ADAMTSL1: variants seen among roughly 807,000 people sequenced by gnomAD.
The protein encoded by ADAMTSL1 is ADAMTS-like protein 1.
In ADAMTSL1, 126 loss-of-function variants were observed where a neutral mutation model predicts 201.8. The ratio of observed to expected loss-of-function variants is 0.62; its 90% CI spans 0.54 to 0.72. The LOEUF (loss-of-function observed/expected upper bound fraction) is 0.72, where lower values mean the gene tolerates loss of function less well. ADAMTSL1 is among the 30% of genes least tolerant of loss of function. The pLI, the probability that ADAMTSL1 is intolerant of heterozygous loss-of-function variation, is 0.00. For missense variants in ADAMTSL1, 2,679 were observed against 2,277.8 expected (o/e 1.18, Z -3.59); for synonymous variants, 1,121 against 903.4 (o/e 1.24, Z -4.32).
At chr9:18,138,397 G>A (rs1055889026) in intron 1 of ADAMTSL1, among the ~76,000 whole-genome samples, 5 of 152,054 alleles carry the variant, frequency 3.3e-5, no homozygotes, top group African/African-American at 1.2e-4. Context: ...AGGATTTTAA[G>A]GCAGAGTATG....
intron 2 of ADAMTSL1, among the ~76,000 whole-genome samples, chr9:18,214,555 A>G (rs952370924): frequency 4.6e-5 from 7 of 152,228 alleles, no homozygotes; most frequent in Non-Finnish European, 1.0e-4. Context: ...TAGAAAAGAT[A>G]TACTACAACA....
chr9:18,069,516 A>G lies in ADAMTSL1; in HGVS notation c.88-94346A>G, dbSNP rs1378716425. Among the ~76,000 whole-genome samples, 31 of 152,168 alleles carry G rather than the reference A, an allele frequency of 2.0e-4. 1 individual carries two copies. Among genetic ancestry groups the G allele is most frequent in the Admixed American group, 1.9e-3 (29 of 15,272 alleles). ...ACTCTGATATTGCCTATTCTATTCT[A>G]TTTCATATTGTTTTAATGCTGGTTA... On this transcript the variant is annotated intron_variant, in intron 1 of 29. Coordinates refer to the ADAMTSL1 transcript ENST00000680146.
At chr9:18,450,717 GT>G (rs1820371570) in intron 2 of ADAMTSL1, among the ~76,000 whole-genome samples, 1 of 151,956 alleles carries the variant, frequency 6.6e-6, no homozygotes, top group African/African-American at 2.4e-5. Flanking sequence ...CCTTTGCTTT[GT>G]TGTCACTAGA....
At chr9:18,441,939 T>C (rs777319712) in intron 2 of ADAMTSL1, among the ~76,000 whole-genome samples, 8 of 152,220 alleles carry the variant, frequency 5.3e-5, no homozygotes, top group Non-Finnish European at 1.2e-4. Flanking sequence ...ATAATAATAA[T>C]TTTTAATGCC....
Position 18,684,699 on chromosome 9 carries a change from A to G in ADAMTSL1, c.1490-17A>G, listed in dbSNP as rs775196598. 2.0e-5 allele frequency: 32 copies of G among 1,611,128 alleles called. No individual in the cohort carries two copies. In the East Asian group the frequency reaches 3.1e-4, roughly 16 times the overall value. ...TTCTAACCTCTTCTTTTGTATGTGCATGCACTGAATTCTCAGAGAAACTTC... is the reference window on the plus strand; with the variant it reads ...TTCTAACCTCTTCTTTTGTATGTGCGTGCACTGAATTCTCAGAGAAACTTC... On this transcript the variant is annotated splice_polypyrimidine_tract_variant and intron_variant, in intron 12 of 28. Coordinates refer to ENST00000380548, the MANE Select transcript of ADAMTSL1 (RefSeq NM_001040272.6).
intron 1 of ADAMTSL1, among the ~76,000 whole-genome samples, chr9:17,970,966 G>T (rs1274489726): frequency 6.6e-6 from 1 of 152,056 alleles, no homozygotes; most frequent in Non-Finnish European, 1.5e-5. Context: ...TTAAATAGTA[G>T]ATGTTTTCCT....
At position 17,998,941 on chromosome 9, in the gene ADAMTSL1, A is replaced by G. The variant is rs144703382; in HGVS notation, c.87+92019A>G. The stretch of plus-strand genomic sequence containing the variant: ...GCTGTGCATCAAGTCAATGTAATTC[A>G]TTTATTTTTTTAAAGGGGTGATGAT... On this transcript the variant is annotated intron_variant, in intron 1 of 29. Coordinates refer to the ADAMTSL1 transcript ENST00000680146. Among the ~76,000 whole-genome samples the G allele has an allele frequency of 3.4e-3, 513 of 152,086 alleles. 2 individuals are homozygous for G. Among genetic ancestry groups the G allele is most frequent in the African/African-American group, 0.011 (477 of 41,524 alleles).
intron 7 of ADAMTSL1, among the ~76,000 whole-genome samples, chr9:18,639,903 C>T (rs1391417052): frequency 6.6e-6 from 1 of 152,132 alleles, no homozygotes; most frequent in Non-Finnish European, 1.5e-5. Flanking sequence ...TAATATAAAA[C>T]ACATTGCTGG....
chr9:18,872,888 C>A lies in ADAMTSL1; in HGVS notation c.4250-14943C>A, dbSNP rs115250721. ...AGGATTGCTGGATCAAATGGTAGAT[C>A]TATTTTCAGTTCTTTAAAGAATCTC... On this transcript the variant is annotated intron_variant, in intron 23 of 28. Transcript: ENST00000380548. Among the ~76,000 whole-genome samples, 1,124 of 152,232 alleles carry A rather than the reference C, an allele frequency of 7.4e-3. 22 individuals are homozygous for A. Among genetic ancestry groups the A allele is most frequent in the African/African-American group, 0.026 (1,067 of 41,556 alleles).
chr9:18,616,827 T>C (rs1429659517), intron 4 of ADAMTSL1, among the ~76,000 whole-genome samples: 1 of 152,218 alleles, frequency 6.6e-6, no homozygotes, highest in Non-Finnish European at 1.5e-5. Flanking sequence ...TATAAATCTT[T>C]TTATTATTTA....
chr9:18,756,541 C>G (rs1235921584), intron 16 of ADAMTSL1, among the ~76,000 whole-genome samples: 1 of 152,074 alleles, frequency 6.6e-6, no homozygotes, highest in Non-Finnish European at 1.5e-5. Context: ...GTTACGACAC[C>G]AGCTGTTGAA....
At chr9:17,931,565 A>T (rs1338843989) in intron 1 of ADAMTSL1, among the ~76,000 whole-genome samples, 1 of 152,204 alleles carries the variant, frequency 6.6e-6, no homozygotes, top group Non-Finnish European at 1.5e-5. Flanking sequence ...GTTGTTTTTC[A>T]AGAAATGTAA....
intron 1 of ADAMTSL1, among the ~76,000 whole-genome samples, chr9:17,940,809 C>CCCG (rs1563909363): frequency 3.1e-5 from 2 of 64,302 alleles, no homozygotes; most frequent in South Asian, 7.0e-4. Flanking sequence ...AACACCCCCC[C>CCCG]CCCAAAAAAA....
chr9:18,375,523 A>T (rs1156375760), intron 2 of ADAMTSL1, among the ~76,000 whole-genome samples: 1 of 152,226 alleles, frequency 6.6e-6, no homozygotes, highest in African/African-American at 2.4e-5. Context: ...CGATCAAACA[A>T]AAATGTACTA....
At chr9:17,932,550 T>C (rs952769203) in intron 1 of ADAMTSL1, among the ~76,000 whole-genome samples, 2 of 152,194 alleles carry the variant, frequency 1.3e-5, no homozygotes, top group Non-Finnish European at 2.9e-5. Context: ...CTCTGAATTT[T>C]GAAGACTTTT....
rs140120567 is a variant in ADAMTSL1, at chr9:18,026,471, G to T, written c.87+119549G>T. Among the ~76,000 whole-genome samples the T allele has an allele frequency of 5.6e-3, 858 of 152,074 alleles. 9 individuals are homozygous for T. Among genetic ancestry groups the T allele is most frequent in the African/African-American group, 0.02 (812 of 41,520 alleles). ...CTGTGTCTATTGAGATGATAATGTG[G>T]TTTTTATTTTTAAATCTGTTTATGT... On this transcript the variant is annotated intron_variant, in intron 1 of 29. Coordinates refer to the ADAMTSL1 transcript ENST00000680146.
At chr9:18,088,199 C>T (rs1823852275) in intron 1 of ADAMTSL1, among the ~76,000 whole-genome samples, 1 of 151,980 alleles carries the variant, frequency 6.6e-6, no homozygotes, top group African/African-American at 2.4e-5. Flanking sequence ...TATTTATATG[C>T]AAAACAAATG....
At position 18,254,610 on chromosome 9, in the gene ADAMTSL1, G is replaced by A. The variant is rs1365130443; in HGVS notation, c.207+90629G>A. Among the ~76,000 whole-genome samples, 18 of 151,474 alleles carry A rather than the reference G, an allele frequency of 1.2e-4. No individual in the cohort carries two copies. The East Asian group carries it at 3.1e-3, about 26-fold the overall frequency. ...GATCTCCTGACTTCGTGATCCGCCC[G>A]CCTCGGCCTCCCAAAGTGCTGGGAT... On this transcript the variant is annotated intron_variant, in intron 2 of 29. Transcript: ENST00000680146.
At chr9:18,469,054 C>A (rs1160472827) in intron 2 of ADAMTSL1, among the ~76,000 whole-genome samples, 2 of 152,214 alleles carry the variant, frequency 1.3e-5, no homozygotes, top group African/African-American at 4.8e-5. Flanking sequence ...TCTTACCTTT[C>A]TCTACTTTCT....
Sources: gnomAD v4.1 joint callset for allele counts (sites outside exome capture counted in the v4.1 genomes callset) on GRCh38, gnomAD v4.1.1 for gene constraint, MANE v1.5 for transcripts, NCBI Gene and HGNC (gene_info 2026-07-23, HGNC 2026-07-21) for gene names.